The following GABBR2 variants were observed in gnomAD, a reference collection of about 807,000 sequenced individuals.
GABBR2 encodes the protein G-protein coupled receptor 51.
In GABBR2, 23 loss-of-function variants were observed where a neutral mutation model predicts 105.6. The observed-to-expected ratio is 0.22, with a 90% CI of 0.16 to 0.31. The LOEUF (loss-of-function observed/expected upper bound fraction) is 0.31, where lower values mean the gene tolerates loss of function less well. Ranked by LOEUF, GABBR2 falls within the 10% of genes least tolerant of loss-of-function variation. GABBR2 has a pLI of 1.00. For missense variants in GABBR2, 734 were observed against 1,245.5 expected (o/e 0.59, Z 6.18); for synonymous variants, 478 against 499.7 (o/e 0.96, Z 0.58).
chr9:98,369,305 TGGGGCAG>T (rs1448967868), intron 12 of GABBR2, among the ~76,000 whole-genome samples: 1 of 151,908 alleles, frequency 6.6e-6, no homozygotes, highest in Admixed American at 6.6e-5. Flanking sequence ...GGTTCGGGTG[TGGGGCAG>T]GGGGCAGGGG....
At chr9:98,611,708 C>T (rs1405367947) in intron 1 of GABBR2, among the ~76,000 whole-genome samples, 1 of 152,204 alleles carries the variant, frequency 6.6e-6, no homozygotes, top group African/African-American at 2.4e-5. Flanking sequence ...AAAGCCTCCC[C>T]AATTCTGGGT....
chr9:98,573,640 A>G (rs1184970807), intron 2 of GABBR2, among the ~76,000 whole-genome samples: 3 of 152,212 alleles, frequency 2.0e-5, no homozygotes, highest in Admixed American at 1.3e-4. Context: ...AAAATTTACC[A>G]TCTTTACCAA....
At chr9:98,320,833 T>C (rs1313000620) in intron 13 of GABBR2, among the ~76,000 whole-genome samples, 1 of 20,524 alleles carries the variant, frequency 4.9e-5, no homozygotes, top group African/African-American at 2.1e-4. Context: ...TGTTGTGGTG[T>C]GGGGGGAGGG....
intron 6 of GABBR2, among the ~76,000 whole-genome samples, chr9:98,457,195 C>T (rs549972277): frequency 2.0e-4 from 31 of 152,338 alleles, no homozygotes; most frequent in African/African-American, 6.7e-4. Context: ...CTCCAATGCA[C>T]GCAATGGCAT....
At chr9:98,685,861 AT>A (rs947325594) in intron 1 of GABBR2, among the ~76,000 whole-genome samples, 3 of 151,428 alleles carry the variant, frequency 2.0e-5, no homozygotes, top group South Asian at 2.1e-4. Flanking sequence ...TCCCCAGCTA[AT>A]TTTTTTTTAA....
At chr9:98,564,387 C>T (rs1204018921) in intron 2 of GABBR2, among the ~76,000 whole-genome samples, 1 of 152,228 alleles carries the variant, frequency 6.6e-6, no homozygotes, top group African/African-American at 2.4e-5. Flanking sequence ...GGGACAACGC[C>T]TGCTCTTCAA....
At chr9:98,324,779 G>T (rs1435445681) in intron 13 of GABBR2, among the ~76,000 whole-genome samples, 2 of 152,114 alleles carry the variant, frequency 1.3e-5, no homozygotes, top group Non-Finnish European at 2.9e-5. Flanking sequence ...TCTGGGCCAG[G>T]TTCTTGCCTG....
chr9:98,308,618 G>A (rs1830587974), intron 14 of GABBR2, among the ~76,000 whole-genome samples: 1 of 152,264 alleles, frequency 6.6e-6, no homozygotes, highest in East Asian at 1.9e-4. Context: ...GAGACCCTTG[G>A]GGAGAAGAAG....
At chr9:98,414,220 A>AC (rs1341521022) in intron 7 of GABBR2, among the ~76,000 whole-genome samples, 1 of 152,218 alleles carries the variant, frequency 6.6e-6, no homozygotes, top group Non-Finnish European at 1.5e-5. Flanking sequence ...CCTAATTTAG[A>AC]CTGGAGGCCA....
rs1345087108 is a variant in GABBR2 at position 98,648,114 on chromosome 9, T to TAGATAGATAGATAGATAGATA, written c.321+60302_321+60303insTATCTATCTATCTATCTATCT. On this transcript the variant is annotated intron_variant, in intron 1 of 18. Transcript: ENST00000259455. The stretch of plus-strand genomic sequence containing the variant: ...GTGTGTGTGTGTGTGTGTGTGTGTG[T>TAGATAGATAGATAGATAGATA]GTATAGATAGATAGATAGATAGATA... 2.4e-3 allele frequency among the ~76,000 whole-genome samples: 243 copies of TAGATAGATAGATAGATAGATA among 102,188 alleles called. 2 individuals carry two copies. The highest frequency in any genetic ancestry group is 3.2e-3 in the Non-Finnish European group (164 of 51,984). The allele number at this position is 102,188 out of a possible 152,430, so 67.0% of individuals were successfully genotyped here.
intron 4 of GABBR2, among the ~76,000 whole-genome samples, chr9:98,492,413 A>G (rs1015118240): frequency 6.7e-6 from 1 of 148,890 alleles, no homozygotes; most frequent in Admixed American, 6.7e-5. Flanking sequence ...TGGAGACTAT[A>G]TACAGAGTTC....
chr9:98,438,379 G>C (rs1825971461), intron 7 of GABBR2, among the ~76,000 whole-genome samples: 1 of 151,904 alleles, frequency 6.6e-6, no homozygotes, highest in South Asian at 2.1e-4. Context: ...CAGCCTTCCT[G>C]TGTATCTATT....
chr9:98,351,336 A>G (rs1399975421), intron 13 of GABBR2, among the ~76,000 whole-genome samples: 1 of 151,704 alleles, frequency 6.6e-6, no homozygotes, highest in Admixed American at 6.6e-5. Flanking sequence ...TTTATTATTT[A>G]CCTTTGTCTT....
intron 1 of GABBR2, among the ~76,000 whole-genome samples, chr9:98,620,390 C>G (rs374882991): frequency 6.6e-6 from 1 of 152,002 alleles, no homozygotes; most frequent in Admixed American, 6.6e-5. Context: ...CCACTCTACA[C>G]CTTTAAAAAG....
intron 14 of GABBR2, among the ~76,000 whole-genome samples, chr9:98,310,058 C>T (rs1217066517): frequency 2.0e-5 from 3 of 152,152 alleles, no homozygotes; most frequent in Non-Finnish European, 4.4e-5. Flanking sequence ...GTGACTTAAC[C>T]TCCCTGTGGA....
chr9:98,618,872 T>C (rs1829630143), intron 1 of GABBR2, among the ~76,000 whole-genome samples: 1 of 152,222 alleles, frequency 6.6e-6, no homozygotes, highest in South Asian at 2.1e-4. Context: ...CCCAACTCTG[T>C]GACCTAAGGC....
At chr9:98,510,779 G>T (rs11791711) in intron 3 of GABBR2, among the ~76,000 whole-genome samples, 68,726 of 150,906 alleles carry the variant, frequency 0.46, 15,998 homozygotes, top group East Asian at 0.67. Flanking sequence ...AGCAAGTCCT[G>T]AGTGACCTAC....
intron 13 of GABBR2, among the ~76,000 whole-genome samples, chr9:98,311,568 A>AAGTT (rs1269423218): frequency 2.0e-5 from 3 of 152,170 alleles, no homozygotes; most frequent in Admixed American, 6.5e-5. Context: ...ATGAGGTATA[A>AAGTT]AGTTAGGTCA....
chr9:98,648,394 A>C (rs574006337), intron 1 of GABBR2, among the ~76,000 whole-genome samples: 181 of 152,116 alleles, frequency 1.2e-3, no homozygotes, highest in African/African-American at 4.2e-3. Flanking sequence ...CAGCCTCCCA[A>C]AGTGCTGGGA....
Sources: gnomAD v4.1 joint callset for allele counts (sites outside exome capture counted in the v4.1 genomes callset) on GRCh38, gnomAD v4.1.1 for gene constraint, MANE v1.5 for transcripts, NCBI Gene and HGNC (gene_info 2026-07-23, HGNC 2026-07-21) for gene names.